Variants in PSD3 observed in about 807,000 individuals in gnomAD.
PSD3 encodes the protein pleckstrin and Sec7 domain containing 3.
PSD3 carries 49 observed loss-of-function variants against 105.5 expected under a neutral mutation model. That is an observed-to-expected ratio of 0.46 (90% CI 0.37 to 0.59). PSD3 has a LOEUF of 0.59. Ranked by LOEUF, PSD3 falls within the 20% of genes least tolerant of loss-of-function variation. PSD3 has a pLI of 0.00. For missense variants in PSD3, 1,561 were observed against 1,263.8 expected (o/e 1.24, Z -3.57); for synonymous variants, 557 against 457.8 (o/e 1.22, Z -2.77).
intron 9 of PSD3, among the ~76,000 whole-genome samples, chr8:18,711,922 T>C (rs563107706): frequency 7.3e-5 from 11 of 151,456 alleles, no homozygotes; most frequent in African/African-American, 2.7e-4. Flanking sequence ...GAAATCATAA[T>C]AGTCTCTCGG....
chr8:18,987,163 A>G (rs1825543312), intron 1 of PSD3, among the ~76,000 whole-genome samples: 1 of 152,176 alleles, frequency 6.6e-6, no homozygotes, highest in African/African-American at 2.4e-5. Flanking sequence ...AAAGATATAC[A>G]ACACTCACGG....
At chr8:18,857,107 G>A (rs757120533) in intron 4 of PSD3, among the ~76,000 whole-genome samples, 1 of 152,154 alleles carries the variant, frequency 6.6e-6, no homozygotes, top group Non-Finnish European at 1.5e-5. Flanking sequence ...TCATTTCCAG[G>A]TTCACAGCCA....
intron 10 of PSD3, among the ~76,000 whole-genome samples, chr8:18,646,327 A>G (rs193064767): frequency 6.6e-6 from 1 of 152,278 alleles, no homozygotes; most frequent in East Asian, 1.9e-4. Context: ...CTGATTAACA[A>G]TTTTATATAT....
intron 1 of PSD3, among the ~76,000 whole-genome samples, chr8:18,943,742 T>G (rs1366827910): frequency 6.6e-6 from 1 of 152,126 alleles, no homozygotes; most frequent in Non-Finnish European, 1.5e-5. Flanking sequence ...AGAGAGATTT[T>G]TCAAAGAGCA....
At chr8:18,655,076 A>C (rs7001932) in intron 10 of PSD3, among the ~76,000 whole-genome samples, 66,041 of 151,672 alleles carry the variant, frequency 0.44, 14,856 homozygotes, top group South Asian at 0.54. Flanking sequence ...GTAATCCCAG[A>C]ACTTTGGGAG....
At chr8:18,668,631 CT>C (rs1365023996) in intron 9 of PSD3, among the ~76,000 whole-genome samples, 1 of 152,202 alleles carries the variant, frequency 6.6e-6, no homozygotes, top group African/African-American at 2.4e-5. Context: ...ATAGTCTCTG[CT>C]TTTAACTGCC....
chr8:18,914,028 T>C (rs896839009), intron 2 of PSD3, among the ~76,000 whole-genome samples: 1 of 152,052 alleles, frequency 6.6e-6, no homozygotes, highest in African/African-American at 2.4e-5. Flanking sequence ...GCTCCAGACT[T>C]GAACCTGAAA....
At chr8:18,806,345 AAGAAAGCTCC>A (rs973810029) in intron 4 of PSD3, among the ~76,000 whole-genome samples, 15 of 152,244 alleles carry the variant, frequency 9.9e-5, no homozygotes, top group African/African-American at 3.6e-4. Flanking sequence ...TAACTGAAGG[AAGAAAGCTCC>A]ACAGGCAACA....
At chr8:19,029,388 T>C (rs1827678422) in intron 1 of PSD3, among the ~76,000 whole-genome samples, 1 of 152,154 alleles carries the variant, frequency 6.6e-6, no homozygotes, top group African/African-American at 2.4e-5. Context: ...TCCATTCTCA[T>C]GCTGCTAATA....
chr8:18,565,832 T>G (rs142483328), intron 14 of PSD3, among the ~76,000 whole-genome samples: 1 of 152,028 alleles, frequency 6.6e-6, no homozygotes, highest in South Asian at 2.1e-4. Context: ...CAGAAGATAT[T>G]TGGCAATGTC....
chr8:18,801,491 A>G, intron 6 of PSD3, 109 bp from the exon 7 acceptor site: 1 of 633,580 alleles, frequency 1.6e-6, no homozygotes, highest in Non-Finnish European at 2.7e-6. Context: ...TATACAAAGT[A>G]AGATATTATG....
chr8:19,069,526 C>G (rs1563542987), intron 1 of PSD3, among the ~76,000 whole-genome samples: 1 of 152,174 alleles, frequency 6.6e-6, no homozygotes, highest in Non-Finnish European at 1.5e-5. Flanking sequence ...GTGGATCTTC[C>G]TTTCTAGTAA....
chr8:18,684,003 C>G, intron 9 of PSD3: 1 of 707,702 alleles, frequency 1.4e-6, no homozygotes, highest in Non-Finnish European at 2.6e-6. Flanking sequence ...AAGGCTCTCA[C>G]GCTGGAGGAA....
intron 8 of PSD3, chr8:18,786,673 T>C (rs1051034930): frequency 1.3e-5 from 2 of 152,218 alleles, no homozygotes; most frequent in Non-Finnish European, 2.9e-5. Context: ...CAAGTATTAG[T>C]ACAATCATCC....
intron 9 of PSD3, among the ~76,000 whole-genome samples, chr8:18,741,152 G>A (rs1563214775): frequency 6.6e-6 from 1 of 152,188 alleles, no homozygotes; most frequent in African/African-American, 2.4e-5. Flanking sequence ...GTAAGTGGTG[G>A]GGAGAAAGGA....
intron 1 of PSD3, among the ~76,000 whole-genome samples, chr8:18,950,568 C>T (rs1316594176): frequency 1.3e-5 from 2 of 152,258 alleles, no homozygotes; most frequent in East Asian, 1.9e-4. Context: ...ACCACTATTC[C>T]GCTTTCTGTT....
chr8:19,070,031 G>A (rs6586796), intron 1 of PSD3, among the ~76,000 whole-genome samples: 55,987 of 150,134 alleles, frequency 0.37, 11,011 homozygotes, highest in East Asian at 0.55. Context: ...TGCAACCTCC[G>A]CCTCCAGAGT....
At chr8:18,930,861 C>A (rs967349744) in intron 2 of PSD3, among the ~76,000 whole-genome samples, 1 of 152,170 alleles carries the variant, frequency 6.6e-6, no homozygotes. Flanking sequence ...AGCCACTGCG[C>A]CTGGCCTTCA....
chr8:18,745,556 T>C (rs1804942871), intron 9 of PSD3, among the ~76,000 whole-genome samples: 1 of 152,188 alleles, frequency 6.6e-6, no homozygotes, highest in Admixed American at 6.5e-5. Context: ...AGGCTCATTT[T>C]ATATTTTCCC....
Sources: allele counts gnomAD v4.1 joint callset (sites outside exome capture counted in the v4.1 genomes callset), GRCh38; gene constraint gnomAD v4.1.1; transcripts MANE v1.5; gene names NCBI Gene and HGNC (gene_info 2026-07-23, HGNC 2026-07-21).